Variants in SPATA13 observed in about 807,000 individuals in gnomAD.
SPATA13 encodes the protein spermatogenesis-associated protein 13.
SPATA13 carries 50 observed loss-of-function variants against 104.0 expected under a neutral mutation model. The ratio of observed to expected loss-of-function variants is 0.48; its 90% CI spans 0.38 to 0.61. The LOEUF (loss-of-function observed/expected upper bound fraction) is 0.61. SPATA13 is among the 20% of genes least tolerant of loss of function. The pLI, the probability that SPATA13 is intolerant of heterozygous loss-of-function variation, is 0.00. For synonymous variants in SPATA13, 606 were observed against 667.5 expected (o/e 0.91, Z 1.42); for missense variants, 1,524 against 1,690.6 (o/e 0.90, Z 1.73).
intron 2 of SPATA13, among the ~76,000 whole-genome samples, chr13:24,006,298 C>T (rs1876224940): frequency 6.6e-6 from 1 of 152,210 alleles, no homozygotes; most frequent in Non-Finnish European, 1.5e-5. Flanking sequence ...GATCAACTAA[C>T]TCATCAGCAG....
At chr13:24,276,836 G>A (rs958912113) in intron 4 of SPATA13, among the ~76,000 whole-genome samples, 1 of 152,198 alleles carries the variant, frequency 6.6e-6, no homozygotes, top group African/African-American at 2.4e-5. Context: ...AATGGAACAT[G>A]TAGAGGTGAA....
rs377437327 is a variant in SPATA13 at position 24,286,409 on chromosome 13, T to C, written c.2481+16T>C. On this transcript the variant is annotated intron_variant, in intron 6 of 12. Coordinates refer to ENST00000382108, the MANE Select transcript of SPATA13 (RefSeq NM_001166271.3). This position sits in a 1 kb window ranked among gnomAD's most constrained non-coding sequence, Gnocchi z 4.9. ...CTTCGTCAGAGTAAGTGTGGGGTGC[T>C]TGCAGCTTTTCCAAAGTACCTGGGG... is the stretch of plus-strand genomic sequence containing the variant. The C allele has an allele frequency of 1.0e-5, 16 of 1,606,116 alleles. No homozygotes were observed. The African/African-American group carries it at 2.0e-4, about 20-fold the overall frequency.
At chr13:24,024,398 G>A (rs1877115109) in intron 3 of SPATA13, among the ~76,000 whole-genome samples, 1 of 152,168 alleles carries the variant, frequency 6.6e-6, no homozygotes, top group African/African-American at 2.4e-5. Flanking sequence ...TGGAATGAAG[G>A]AATGATGAAC....
chr13:23,988,732 A>G (rs1335004565), intron 2 of SPATA13, among the ~76,000 whole-genome samples: 1 of 152,116 alleles, frequency 6.6e-6, no homozygotes, highest in Non-Finnish European at 1.5e-5. Flanking sequence ...CATTTCTCCT[A>G]TTTTGAATGA....
At chr13:24,075,682 C>T (rs1372773042) in intron 3 of SPATA13, among the ~76,000 whole-genome samples, 1 of 152,154 alleles carries the variant, frequency 6.6e-6, no homozygotes, top group Non-Finnish European at 1.5e-5. Flanking sequence ...AGAAACATGA[C>T]TGTTGTCTGT....
intron 3 of SPATA13, among the ~76,000 whole-genome samples, chr13:24,110,739 A>G (rs1450653975): frequency 1.6e-4 from 25 of 152,168 alleles, no homozygotes; most frequent in Admixed American, 1.6e-3. Context: ...AACCTAGGAT[A>G]ACTGAGCAAT....
At position 24,161,223 on chromosome 13, in the gene SPATA13, G is replaced by A. The variant is rs1445832531; in HGVS notation, c.-112+291G>A. Reference sequence around the variant, plus strand: ...TTCTCGCAAAAGGCCGTTTCCAGCCGGAAGCCTGCAGGGAGGTCGCCTTGT... The same window carrying A: ...TTCTCGCAAAAGGCCGTTTCCAGCCAGAAGCCTGCAGGGAGGTCGCCTTGT... On this transcript the variant is annotated intron_variant, in intron 1 of 12. Coordinates refer to ENST00000382108, the MANE Select transcript of SPATA13 (RefSeq NM_001166271.3). The surrounding 1 kb of genome is among the most constrained non-coding windows in gnomAD (Gnocchi z 4.5). Among the ~76,000 whole-genome samples, 1 of 152,102 alleles carries A rather than the reference G, an allele frequency of 6.6e-6. No homozygotes were observed. The highest frequency in any genetic ancestry group is 1.9e-4 in the East Asian group (1 of 5,150).
Position 24,005,053 on chromosome 13 carries a change from T to C in SPATA13, c.-146-12614T>C, listed in dbSNP as rs144669194. ...TGACATATAGGTTATCTTTGCCACA[T>C]TGCTTTCCATTTTAAAAGAGCTAAG... is the stretch of plus-strand genomic sequence containing the variant. On this transcript the variant is annotated intron_variant, in intron 2 of 14. Coordinates refer to the SPATA13 transcript ENST00000424834. 6.2e-3 allele frequency among the ~76,000 whole-genome samples: 942 copies of C among 152,356 alleles called. 6 individuals are homozygous for C. The highest frequency in any genetic ancestry group is 9.3e-3 in the Non-Finnish European group (630 of 68,042).
intron 3 of SPATA13, among the ~76,000 whole-genome samples, chr13:24,098,535 C>T (rs902513823): frequency 3.3e-5 from 5 of 150,576 alleles, no homozygotes; most frequent in African/African-American, 9.8e-5. Context: ...CGTTTGAGGC[C>T]GCACTGAGCT....
intron 4 of SPATA13, among the ~76,000 whole-genome samples, chr13:24,274,337 C>T (rs943337259): frequency 6.6e-6 from 1 of 152,228 alleles, no homozygotes; most frequent in African/African-American, 2.4e-5. Context: ...AAAATAAATT[C>T]TCAGCCAACA....
At chr13:24,137,690 CG>C (rs1881619027) in intron 3 of SPATA13, among the ~76,000 whole-genome samples, 2 of 152,048 alleles carry the variant, frequency 1.3e-5, no homozygotes, top group South Asian at 4.1e-4. Flanking sequence ...GCCTGGGGGG[CG>C]GAGGTTGCAG....
intron 1 of SPATA13, among the ~76,000 whole-genome samples, chr13:24,187,818 T>A (rs951592038): frequency 1.3e-5 from 2 of 152,188 alleles, no homozygotes; most frequent in African/African-American, 4.8e-5. Flanking sequence ...TCTTATTTCC[T>A]GAGACAGAAC....
At chr13:23,987,901 C>G (rs925093498) in intron 2 of SPATA13, among the ~76,000 whole-genome samples, 1 of 151,498 alleles carries the variant, frequency 6.6e-6, no homozygotes, top group African/African-American at 2.4e-5. Context: ...ACGCAACGTT[C>G]TTAAGGCCCA....
Position 24,258,009 on chromosome 13 carries a change from C to T in SPATA13, c.2164+6147C>T, listed in dbSNP as rs566437798. Among the ~76,000 whole-genome samples the T allele has an allele frequency of 1.1e-4, 17 of 152,278 alleles. No individual in the cohort carries two copies. In the South Asian group the frequency reaches 3.5e-3, roughly 32 times the overall value. On this transcript the variant is annotated intron_variant, in intron 4 of 12. Coordinates refer to ENST00000382108, the MANE Select transcript of SPATA13 (RefSeq NM_001166271.3). ...TGGATTCTGGGCAGGTGTGGTGGAT[C>T]ACCTGAGGTTAGGAGTTCAAAACTA...
chr13:24,025,896 C>A (rs986233315), intron 3 of SPATA13, among the ~76,000 whole-genome samples: 2 of 151,812 alleles, frequency 1.3e-5, no homozygotes, highest in African/African-American at 4.8e-5. Flanking sequence ...CCTCCGCCTC[C>A]CAGGTTCAAA....
At chr13:24,195,065 G>C (rs1049536113) in intron 1 of SPATA13, among the ~76,000 whole-genome samples, 1 of 152,080 alleles carries the variant, frequency 6.6e-6, no homozygotes, top group Admixed American at 6.6e-5. Context: ...GACCTTTTTA[G>C]CACCCCGCAA....
chr13:24,142,993 G>A (rs572455372), intron 3 of SPATA13, among the ~76,000 whole-genome samples: 3 of 152,274 alleles, frequency 2.0e-5, no homozygotes, highest in African/African-American at 7.2e-5. Context: ...CGGAGGTTGG[G>A]TTCACACAGA....
chr13:24,109,219 T>C (rs1880557322), intron 3 of SPATA13, among the ~76,000 whole-genome samples: 2 of 152,330 alleles, frequency 1.3e-5, no homozygotes, highest in South Asian at 4.1e-4. Context: ...TTTGGTTTTC[T>C]GTTCTTGTGA....
At chr13:24,144,734 T>G (rs1881876552) in intron 3 of SPATA13, among the ~76,000 whole-genome samples, 1 of 151,982 alleles carries the variant, frequency 6.6e-6, no homozygotes, top group Non-Finnish European at 1.5e-5. Context: ...AGTTGGTGTT[T>G]TCTTGACCAG....
Sources: allele counts gnomAD v4.1 joint callset (sites outside exome capture counted in the v4.1 genomes callset), GRCh38; gene constraint gnomAD v4.1.1; non-coding constraint Gnocchi (gnomAD v3.1); transcripts MANE v1.5; gene names NCBI Gene and HGNC (gene_info 2026-07-23, HGNC 2026-07-21).